The following KIAA1549L variants were observed in gnomAD, a reference collection of about 807,000 sequenced individuals.
KIAA1549L encodes KIAA1549 like.
A neutral mutation model predicts 160.7 loss-of-function variants in KIAA1549L; 88 were observed. The ratio of observed to expected loss-of-function variants is 0.55; its 90% CI spans 0.46 to 0.65. KIAA1549L has a LOEUF of 0.65. Ranked by LOEUF, KIAA1549L falls within the 30% of genes least tolerant of loss-of-function variation. The pLI, the probability that KIAA1549L is intolerant of heterozygous loss-of-function variation, is 0.00. For missense variants in KIAA1549L, 2,258 were observed against 2,437.5 expected (o/e 0.93, Z 1.55); for synonymous variants, 950 against 976.7 (o/e 0.97, Z 0.51).
chr11:33,657,212 C>A (rs1337580652), intron 18 of KIAA1549L, among the ~76,000 whole-genome samples: 3 of 152,142 alleles, frequency 2.0e-5, no homozygotes, highest in African/African-American at 7.2e-5. Context: ...CCACATTGGA[C>A]CTTCCTAGGA....
intron 16 of KIAA1549L, among the ~76,000 whole-genome samples, chr11:33,633,361 G>A (rs141933144): frequency 1.8e-4 from 28 of 151,880 alleles, no homozygotes; most frequent in Middle Eastern, 3.4e-3. Context: ...GTTGTGTAAC[G>A]ACTGCTATTC....
intron 13 of KIAA1549L, chr11:33,599,503 A>G (rs2133306242): frequency 6.6e-6 from 1 of 152,186 alleles, no homozygotes; most frequent in African/African-American, 2.4e-5. Flanking sequence ...TCAAAAAAAA[A>G]AAAAAGAAAA....
At chr11:33,380,629 G>A (rs1261528668) in intron 1 of KIAA1549L, among the ~76,000 whole-genome samples, 3 of 152,102 alleles carry the variant, frequency 2.0e-5, no homozygotes, top group African/African-American at 4.8e-5. Context: ...TCAGTGGGGT[G>A]TTAAAGTCCC....
chr11:33,380,869 A>G (rs1565113103), intron 1 of KIAA1549L, among the ~76,000 whole-genome samples: 1 of 152,106 alleles, frequency 6.6e-6, no homozygotes, highest in Non-Finnish European at 1.5e-5. Context: ...CTTTGTACAC[A>G]TCATCAACTT....
chr11:33,515,817 G>T (rs1853330648), intron 1 of KIAA1549L, among the ~76,000 whole-genome samples: 1 of 152,136 alleles, frequency 6.6e-6, no homozygotes, highest in African/African-American at 2.4e-5. Context: ...AAAGTAACGT[G>T]ATGCATCTGT....
intron 20 of KIAA1549L, among the ~76,000 whole-genome samples, chr11:33,663,162 G>C (rs1189888300): frequency 6.6e-6 from 1 of 152,210 alleles, no homozygotes; most frequent in Non-Finnish European, 1.5e-5. Context: ...ATGTGAGAAA[G>C]CAAAGTCCCT....
At chr11:33,513,174 G>A (rs1382742110) in intron 1 of KIAA1549L, among the ~76,000 whole-genome samples, 2 of 152,108 alleles carry the variant, frequency 1.3e-5, no homozygotes, top group African/African-American at 4.8e-5. Context: ...GTACTAAACT[G>A]TTCACAAATA....
chr11:33,632,167 G>A (rs987536712), intron 16 of KIAA1549L, among the ~76,000 whole-genome samples: 1 of 152,200 alleles, frequency 6.6e-6, no homozygotes, highest in Admixed American at 6.5e-5. Context: ...ATCCAGGCAT[G>A]GTTTGGTTGG....
intron 16 of KIAA1549L, among the ~76,000 whole-genome samples, chr11:33,627,771 G>A (rs995179203): frequency 1.1e-4 from 16 of 151,822 alleles, no homozygotes; most frequent in Non-Finnish European, 2.4e-4. Flanking sequence ...AGGGTTTTTT[G>A]TGTCTCTATT....
chr11:33,534,902 C>G (rs919338969), intron 1 of KIAA1549L, among the ~76,000 whole-genome samples: 1 of 152,208 alleles, frequency 6.6e-6, no homozygotes, highest in Non-Finnish European at 1.5e-5. Flanking sequence ...TGCTTCCTAC[C>G]TGTATTAGTT....
In KIAA1549L at chr11:33,520,675, CCCA is replaced by C. The variant is rs369394780; in HGVS notation, c.239-21124_239-21122del. On this transcript the variant is annotated intron_variant, in intron 1 of 20. Transcript: ENST00000658780. ...AAAGGCAATTGGTGGACATACACCC[CCCA>C]CCCCCAACACACACACACACACACA... 4.5e-5 allele frequency among the ~76,000 whole-genome samples: 6 copies of C among 133,282 alleles called. 1 individual carries two copies. The highest frequency in any genetic ancestry group is 1.9e-4 in the African/African-American group (6 of 31,614). The allele number at this position is 133,282 out of a possible 152,430, so 87.4% of individuals were successfully genotyped here.
intron 1 of KIAA1549L, among the ~76,000 whole-genome samples, chr11:33,504,256 G>A (rs1853025876): frequency 1.3e-5 from 2 of 151,250 alleles, no homozygotes; most frequent in Non-Finnish European, 2.9e-5. Flanking sequence ...GCGAGACTCT[G>A]TCTTAAAAAA....
At chr11:33,408,937 G>A (rs373691087) in intron 1 of KIAA1549L, among the ~76,000 whole-genome samples, 2 of 118,526 alleles carry the variant, frequency 1.7e-5, no homozygotes, top group Admixed American at 1.1e-4. Context: ...GTGACAGAGC[G>A]CGACTCCATC....
At chr11:33,578,534 CATT>C (rs1855531561) in intron 10 of KIAA1549L, among the ~76,000 whole-genome samples, 2 of 152,288 alleles carry the variant, frequency 1.3e-5, no homozygotes, top group South Asian at 4.1e-4. Context: ...TAATTAGAGT[CATT>C]GTAATAAAAC....
intron 1 of KIAA1549L, among the ~76,000 whole-genome samples, chr11:33,442,308 GT>G (rs1851525750): frequency 6.6e-6 from 1 of 152,102 alleles, no homozygotes; most frequent in Admixed American, 6.5e-5. Flanking sequence ...GTACCATGCT[GT>G]TTTGGTTACT....
At chr11:33,427,020 T>G (rs1017053289) in intron 1 of KIAA1549L, among the ~76,000 whole-genome samples, 1 of 152,204 alleles carries the variant, frequency 6.6e-6, no homozygotes, top group African/African-American at 2.4e-5. Flanking sequence ...GGGATAAATA[T>G]TAAATTCAGT....
At chr11:33,448,476 C>T (rs1851659600) in intron 1 of KIAA1549L, among the ~76,000 whole-genome samples, 1 of 151,994 alleles carries the variant, frequency 6.6e-6, no homozygotes, top group Non-Finnish European at 1.5e-5. Flanking sequence ...ATCTCTGTGG[C>T]CTTGAAGATA....
rs550739872 is a variant in KIAA1549L, at chr11:33,528,032, T to G, written c.239-13770T>G. ...TAAAGGGGAGTTCCCCTACACAAGCTCTCTTGCTTGCTGCCACTTAAGATG... is the reference window on the plus strand; with the variant it reads ...TAAAGGGGAGTTCCCCTACACAAGCGCTCTTGCTTGCTGCCACTTAAGATG... On this transcript the variant is annotated intron_variant, in intron 1 of 20. Coordinates refer to ENST00000658780, the MANE Select transcript of KIAA1549L (RefSeq NM_012194.3). 5.0e-3 allele frequency among the ~76,000 whole-genome samples: 759 copies of G among 152,240 alleles called. 2 individuals carry two copies. The highest frequency in any genetic ancestry group is 0.01 in the Middle Eastern group (3 of 294).
At chr11:33,438,419 A>C (rs2132938990) in intron 1 of KIAA1549L, among the ~76,000 whole-genome samples, 1 of 152,294 alleles carries the variant, frequency 6.6e-6, no homozygotes, top group African/African-American at 2.4e-5. Flanking sequence ...TTTTGCTGGA[A>C]CTGCCTCGAA....
Sources: allele counts gnomAD v4.1 joint callset (sites outside exome capture counted in the v4.1 genomes callset), GRCh38; gene constraint gnomAD v4.1.1; transcripts MANE v1.5; gene names NCBI Gene and HGNC (gene_info 2026-07-23, HGNC 2026-07-21).